Variants in ADGRE3 observed in about 807,000 individuals in gnomAD.
The protein encoded by ADGRE3 is adhesion G protein-coupled receptor E3, also known as EGF-like module receptor 3.
In ADGRE3, 88 loss-of-function variants were observed where a neutral mutation model predicts 80.1. The ratio of observed to expected loss-of-function variants is 1.10; its 90% confidence interval spans 0.93 to 1.31. ADGRE3 has a LOEUF of 1.31. ADGRE3 is among the 40% of genes most tolerant of loss of function. ADGRE3 has a pLI of 0.00. For synonymous variants in ADGRE3, 281 were observed against 294.8 expected, an observed-to-expected ratio of 0.95 and a Z score of 0.48; for missense variants, 715 against 776.5, an observed-to-expected ratio of 0.92 and a Z score of 0.94.
intron 11 of ADGRE3, among the ~76,000 whole-genome samples, chr19:14,637,846 T>C (rs1333349738): frequency 6.6e-6 from 1 of 151,976 alleles, no homozygotes; most frequent in African/African-American, 2.4e-5. Flanking sequence ...GCTCTTTCTC[T>C]GCTGCAAACC....
chr19:14,606,115 T>C, the ADGRE3 span, among the ~76,000 whole-genome samples: 3 of 152,216 alleles, frequency 2.0e-5, no homozygotes. Flanking sequence ...TGAATTCTTA[T>C]GTTGTTTGGA....
At chr19:14,619,503 T>C in intron 15 of ADGRE3, 32 bp from the exon 16 acceptor site, 1 of 1,541,944 alleles carries the variant, frequency 6.5e-7, no homozygotes, top group South Asian at 1.1e-5. Context: ...AAGGTGGATG[T>C]AAGGGTAAAA....
At chr19:14,642,410 G>A (rs1341204367) in intron 9 of ADGRE3, among the ~76,000 whole-genome samples, 1 of 152,110 alleles carries the variant, frequency 6.6e-6, no homozygotes, top group Non-Finnish European at 1.5e-5. Flanking sequence ...TTTGATCAGA[G>A]AGCTCATACT....
At chr19:14,668,098 G>A (rs993979496) in intron 2 of ADGRE3, among the ~76,000 whole-genome samples, 1 of 151,954 alleles carries the variant, frequency 6.6e-6, no homozygotes, top group Non-Finnish European at 1.5e-5. Context: ...TACAAAAAAT[G>A]CAAAAATTAG....
chr19:14,620,874 C>G (rs10420780), intron 15 of ADGRE3, among the ~76,000 whole-genome samples: 1 of 151,348 alleles, frequency 6.6e-6, no homozygotes, highest in Admixed American at 6.6e-5. Flanking sequence ...CAATGTTAAA[C>G]GATTTTCCTT....
chr19:14,647,864 T>C (rs1971458818), intron 7 of ADGRE3, among the ~76,000 whole-genome samples: 1 of 151,404 alleles, frequency 6.6e-6, no homozygotes, highest in Non-Finnish European at 1.5e-5. Context: ...GGTGGATCAC[T>C]TGAGGTCAGA....
chr19:14,615,354 T>C (rs900587925), downstream of ADGRE3, among the ~76,000 whole-genome samples: 13 of 152,168 alleles, frequency 8.5e-5, no homozygotes, highest in African/African-American at 2.9e-4. Flanking sequence ...ATGTTCCACA[T>C]TATCTCCTGA....
rs181204973 is a variant in ADGRE3, at chr19:14,649,413, C to T, written c.697+1672G>A. Among the ~76,000 whole-genome samples the T allele has an allele frequency of 1.6e-3, 212 of 135,040 alleles. 1 individual carries two copies. The highest frequency in any genetic ancestry group is 0.011 in the Middle Eastern group (2 of 190). 88.6% of individuals were successfully genotyped at this position (135,040 alleles called of 152,430 possible). A position where few individuals can be genotyped will look rare whatever the true frequency, so the allele number is the denominator to read the frequency against. ...CCATCTCTCTCTTTCCATCTCTCTC[C>T]CCATCTCTCTAATTTCATCTCTCTC... On this transcript the variant is annotated intron_variant, in intron 7 of 15. Transcript: ENST00000253673.
In ADGRE3 at chr19:14,647,363, G is replaced by A; in HGVS notation, c.700C>T (p.Pro234Ser). 4 of 1,570,334 alleles carry A rather than the reference G, an allele frequency of 2.5e-6. No individual in the cohort carries two copies. The highest frequency in any genetic ancestry group is 3.5e-6 in the Non-Finnish European group (4 of 1,156,380). Residue 234 changes from proline to serine, a missense_variant and splice_region_variant, in exon 8 of 16, where the codon CCC (proline) becomes TCC (serine). By Grantham distance (74) the Pro-to-Ser change is moderately conservative. Coordinates refer to ENST00000253673, the MANE Select transcript of ADGRE3 (RefSeq NM_032571.5). ...SDIIQGDTQGPSAIAFISYSS... is the reference protein window; with the variant it reads ...SDIIQGDTQGSSAIAFISYSS... ...TATGAGATAAAGGCAATGGCACTGG[G>A]ACCTGAGGAAACAGAAAGATGGAAT...
At chr19:14,660,937 C>CTT (rs35730102) in intron 4 of ADGRE3, among the ~76,000 whole-genome samples, 2,574 of 83,458 alleles carry the variant, frequency 0.031, 89 homozygotes, top group Admixed American at 0.073. Flanking sequence ...GTCATATTTC[C>CTT]TTTTTTTTTT....
the ADGRE3 span, chr19:14,610,889 TG>T: frequency 6.6e-6 from 1 of 152,078 alleles, no homozygotes; most frequent in Non-Finnish European, 1.5e-5. Context: ...CTCAAACTCC[TG>T]GGGTCAAGCA....
chr19:14,658,600 G>T, intron 4 of ADGRE3, 50 bp from the exon 5 acceptor site: 2 of 1,439,808 alleles, frequency 1.4e-6, no homozygotes, highest in Non-Finnish European at 1.9e-6. Context: ...GAGTGACCAG[G>T]CAGAGGGGTG....
chr19:14,613,987 C>T, the ADGRE3 span, among the ~76,000 whole-genome samples: 5 of 151,794 alleles, frequency 3.3e-5, no homozygotes, highest in South Asian at 1.0e-3. Context: ...CACCCAGCCT[C>T]GTTATTTATT....
chr19:14,647,983 G>A (rs1344807117), intron 7 of ADGRE3, among the ~76,000 whole-genome samples: 3 of 151,256 alleles, frequency 2.0e-5, no homozygotes, highest in Non-Finnish European at 4.4e-5. Flanking sequence ...TTGGGAGGCT[G>A]AGGCTGGAGA....
intron 7 of ADGRE3, among the ~76,000 whole-genome samples, chr19:14,648,316 G>A (rs1022683350): frequency 6.6e-6 from 1 of 152,080 alleles, no homozygotes; most frequent in Non-Finnish European, 1.5e-5. Flanking sequence ...ACTTCCATGG[G>A]CGTGAATTTG....
At chr19:14,664,104 G>C (rs1007491268) in intron 2 of ADGRE3, among the ~76,000 whole-genome samples, 7 of 151,992 alleles carry the variant, frequency 4.6e-5, no homozygotes, top group Non-Finnish European at 8.8e-5. Context: ...ACTCCGCCTG[G>C]TGAGGATTTT....
chr19:14,610,814 C>T, the ADGRE3 span: 2 of 152,256 alleles, frequency 1.3e-5, no homozygotes, highest in Admixed American at 1.3e-4. Flanking sequence ...AGCCACTGTG[C>T]CTGGCTCAAA....
chr19:14,607,836 A>C, the ADGRE3 span, among the ~76,000 whole-genome samples: 1 of 151,582 alleles, frequency 6.6e-6, no homozygotes, highest in African/African-American at 2.4e-5. Context: ...TTGGCCTCCC[A>C]AAGTGTTGGG....
intron 11 of ADGRE3, among the ~76,000 whole-genome samples, chr19:14,635,232 G>C (rs1427530644): frequency 6.6e-6 from 1 of 151,902 alleles, no homozygotes; most frequent in African/African-American, 2.4e-5. Flanking sequence ...GAGTAGCTGG[G>C]ACTACAGGCA....
Sources: allele counts gnomAD v4.1 joint callset (sites outside exome capture counted in the v4.1 genomes callset), GRCh38; gene constraint gnomAD v4.1.1; transcripts MANE v1.5; gene names NCBI Gene and HGNC (gene_info 2026-07-23, HGNC 2026-07-21).